ROR1: variants seen among roughly 807,000 people sequenced by gnomAD.
ROR1 encodes ROR family WNT receptor 1.
ROR1 carries 19 observed loss-of-function variants against 78.8 expected under a neutral mutation model. The ratio of observed to expected loss-of-function variants is 0.24; its 90% CI spans 0.17 to 0.35. ROR1 has a LOEUF of 0.35. Ranked by LOEUF, ROR1 falls within the 10% of genes least tolerant of loss-of-function variation. ROR1 has a pLI of 1.00. For synonymous variants in ROR1, 386 were observed against 433.6 expected (o/e 0.89, Z 1.36); for missense variants, 917 against 1,177.8 (o/e 0.78, Z 3.24).
At chr1:63,966,732 A>G (rs1646078448) in intron 1 of ROR1, among the ~76,000 whole-genome samples, 1 of 152,148 alleles carries the variant, frequency 6.6e-6, no homozygotes, top group African/African-American at 2.4e-5. Flanking sequence ...GCCTCTGAAA[A>G]TACTGTTTCA....
In ROR1 at chr1:64,174,059, G is replaced by A. The variant is rs184710291; in HGVS notation, c.1387-3369G>A. Among the ~76,000 whole-genome samples, 229 of 152,178 alleles carry A rather than the reference G, an allele frequency of 1.5e-3. 1 individual carries two copies. The highest frequency in any genetic ancestry group is 2.6e-3 in the Non-Finnish European group (176 of 68,012). On this transcript the variant is annotated intron_variant, in intron 8 of 8. Coordinates refer to ENST00000371079, the MANE Select transcript of ROR1 (RefSeq NM_005012.4). Reference sequence around the variant, plus strand: ...AGTTAAACACTCTGCAACTACTTAAGGCTTAAATGGATCTAAATCATTTGC... The same window carrying A: ...AGTTAAACACTCTGCAACTACTTAAAGCTTAAATGGATCTAAATCATTTGC...
chr1:63,931,155 G>A (rs1569931473), intron 1 of ROR1, among the ~76,000 whole-genome samples: 1 of 152,144 alleles, frequency 6.6e-6, no homozygotes, highest in Non-Finnish European at 1.5e-5. Context: ...GGTGGTGGGT[G>A]CCTGTAATCC....
intron 1 of ROR1, among the ~76,000 whole-genome samples, chr1:63,978,474 G>A (rs186657058): frequency 5.4e-4 from 82 of 152,264 alleles, no homozygotes; most frequent in African/African-American, 2.0e-3. Context: ...AATTCAGTAT[G>A]GGCTGGGATC....
chr1:63,895,596 A>G (rs185760897), intron 1 of ROR1, among the ~76,000 whole-genome samples: 39 of 152,298 alleles, frequency 2.6e-4, no homozygotes, highest in African/African-American at 9.4e-4. Flanking sequence ...GGTACCTGGC[A>G]TATCATTAGC....
At chr1:63,967,698 G>A (rs1216765712) in intron 1 of ROR1, among the ~76,000 whole-genome samples, 1 of 152,218 alleles carries the variant, frequency 6.6e-6, no homozygotes, top group Non-Finnish European at 1.5e-5. Flanking sequence ...TGTACTATTT[G>A]TGTGACTTTA....
intron 1 of ROR1, among the ~76,000 whole-genome samples, chr1:63,794,490 A>G (rs575874913): frequency 6.6e-6 from 1 of 152,232 alleles, no homozygotes; most frequent in Non-Finnish European, 1.5e-5. Flanking sequence ...CGAAGGAACC[A>G]GCTTCTTTCT....
intron 1 of ROR1, among the ~76,000 whole-genome samples, chr1:63,845,734 A>G (rs1053788147): frequency 3.9e-5 from 6 of 152,130 alleles, no homozygotes; most frequent in African/African-American, 1.4e-4. Flanking sequence ...ATGCATCTTC[A>G]TAGTAACTTC....
intron 4 of ROR1, among the ~76,000 whole-genome samples, chr1:64,099,580 G>A (rs957664443): frequency 2.6e-5 from 4 of 152,142 alleles, no homozygotes; most frequent in Admixed American, 2.0e-4. Context: ...CTAGTTGGCT[G>A]TAAATAAAGA....
At chr1:63,876,456 T>C (rs1157307552) in intron 1 of ROR1, among the ~76,000 whole-genome samples, 1 of 152,086 alleles carries the variant, frequency 6.6e-6, no homozygotes, top group Non-Finnish European at 1.5e-5. Flanking sequence ...TCCATCCAAC[T>C]ACCTAAAGTG....
intron 2 of ROR1, among the ~76,000 whole-genome samples, chr1:64,026,007 G>T (rs534264318): frequency 1.4e-4 from 21 of 152,122 alleles, no homozygotes; most frequent in South Asian, 6.2e-4. Context: ...CCCCCAAAAG[G>T]TATGGAAATA....
At chr1:64,051,837 T>C (rs769781699) in intron 4 of ROR1, among the ~76,000 whole-genome samples, 6 of 152,244 alleles carry the variant, frequency 3.9e-5, no homozygotes, top group Non-Finnish European at 8.8e-5. Flanking sequence ...AGCATCAAAA[T>C]GTTTGATCTA....
chr1:64,123,975 T>C (rs532444091), intron 4 of ROR1, among the ~76,000 whole-genome samples: 17 of 152,156 alleles, frequency 1.1e-4, no homozygotes, highest in Non-Finnish European at 2.1e-4. Flanking sequence ...TTGAATATAA[T>C]GGTAACTGTG....
intron 1 of ROR1, among the ~76,000 whole-genome samples, chr1:63,956,387 C>T (rs189461571): frequency 1.3e-5 from 2 of 152,240 alleles, no homozygotes; most frequent in East Asian, 3.9e-4. Context: ...AACCAGTGGC[C>T]CCAAGAGCAA....
chr1:63,921,956 G>A (rs898074338), intron 1 of ROR1, among the ~76,000 whole-genome samples: 1 of 152,184 alleles, frequency 6.6e-6, no homozygotes, highest in Non-Finnish European at 1.5e-5. Flanking sequence ...GCAGGAAAGA[G>A]GGGGTATCTC....
intron 8 of ROR1, among the ~76,000 whole-genome samples, chr1:64,174,018 A>G (rs1650311943): frequency 6.6e-6 from 1 of 152,194 alleles, no homozygotes; most frequent in Non-Finnish European, 1.5e-5. Context: ...GAACAGAGAA[A>G]GATTAACAGG....
At chr1:63,956,776 A>C (rs1465289051) in intron 1 of ROR1, among the ~76,000 whole-genome samples, 1 of 152,218 alleles carries the variant, frequency 6.6e-6, no homozygotes, top group African/African-American at 2.4e-5. Context: ...ACTGAAGAGT[A>C]TAAAGAAATA....
At chr1:63,930,892 C>A (rs1462134164) in intron 1 of ROR1, among the ~76,000 whole-genome samples, 1 of 152,166 alleles carries the variant, frequency 6.6e-6, no homozygotes, top group African/African-American at 2.4e-5. Flanking sequence ...TTAGGCTACA[C>A]AAATGTTAAC....
intron 1 of ROR1, among the ~76,000 whole-genome samples, chr1:63,917,428 T>A (rs1347665634): frequency 6.6e-6 from 1 of 152,134 alleles, no homozygotes; most frequent in Non-Finnish European, 1.5e-5. Context: ...TACTTTAAAA[T>A]TTTTTTTCTA....
At chr1:64,113,261 C>G (rs1276100335) in intron 4 of ROR1, among the ~76,000 whole-genome samples, 1 of 152,156 alleles carries the variant, frequency 6.6e-6, no homozygotes, top group Non-Finnish European at 1.5e-5. Flanking sequence ...GTATTTTCTT[C>G]ATTGGTTTTC....
Sources: allele counts gnomAD v4.1 joint callset (sites outside exome capture counted in the v4.1 genomes callset), GRCh38; gene constraint gnomAD v4.1.1; transcripts MANE v1.5; gene names NCBI Gene and HGNC (gene_info 2026-07-23, HGNC 2026-07-21).